Variants in SEMA6D observed in about 807,000 individuals in gnomAD.
SEMA6D encodes the protein semaphorin-6D.
A neutral mutation model predicts 106.6 loss-of-function variants in SEMA6D; 35 were observed. The observed-to-expected ratio is 0.33, with a 90% confidence interval of 0.25 to 0.44. SEMA6D has a LOEUF of 0.44. Ranked by LOEUF, SEMA6D falls within the 20% of genes least tolerant of loss-of-function variation. The probability of loss-of-function intolerance (pLI) is 1.00; values close to 1 mark genes in which losing one functional copy is unlikely to be tolerated. For missense variants in SEMA6D, 1,185 were observed against 1,345.9 expected, an observed-to-expected ratio of 0.88 and a Z score of 1.87; for synonymous variants, 499 against 487.7, an observed-to-expected ratio of 1.02 and a Z score of -0.31.
chr15:47,336,365 T>A (rs1264811117), intron 1 of SEMA6D, among the ~76,000 whole-genome samples: 2 of 152,160 alleles, frequency 1.3e-5, no homozygotes, highest in Non-Finnish European at 2.9e-5. Flanking sequence ...GTCCACATAG[T>A]GCAGAGTAGA....
intron 1 of SEMA6D, among the ~76,000 whole-genome samples, chr15:47,228,477 G>C (rs2031967303): frequency 6.6e-6 from 1 of 151,714 alleles, no homozygotes; most frequent in South Asian, 2.1e-4. Flanking sequence ...GTAAATGTTT[G>C]TTTATCTCTT....
At chr15:47,320,681 G>A (rs959948670) in intron 1 of SEMA6D, among the ~76,000 whole-genome samples, 1 of 152,052 alleles carries the variant, frequency 6.6e-6, no homozygotes, top group Non-Finnish European at 1.5e-5. Flanking sequence ...GGCCTGCAAT[G>A]CCCTTTCTCC....
chr15:47,577,471 A>T, intron 3 of SEMA6D, among the ~76,000 whole-genome samples: 1 of 152,238 alleles, frequency 6.6e-6, no homozygotes, highest in Non-Finnish European at 1.5e-5. Context: ...TTTGCAAGTG[A>T]TGGGAGGCTG....
At chr15:47,430,052 A>C (rs1394159769) in intron 2 of SEMA6D, among the ~76,000 whole-genome samples, 1 of 152,140 alleles carries the variant, frequency 6.6e-6, no homozygotes, top group Admixed American at 6.5e-5. Context: ...CTGATTCAGC[A>C]GTGATTCCCT....
At chr15:47,256,124 TAG>T (rs1470406448) in intron 1 of SEMA6D, among the ~76,000 whole-genome samples, 23 of 152,338 alleles carry the variant, frequency 1.5e-4, no homozygotes, top group Admixed American at 1.5e-3. Flanking sequence ...TAATATTGGG[TAG>T]AGTTATTCTT....
At chr15:47,217,940 AG>A (rs2141320182) in intron 1 of SEMA6D, among the ~76,000 whole-genome samples, 1 of 150,984 alleles carries the variant, frequency 6.6e-6, no homozygotes, top group South Asian at 2.1e-4. Context: ...AATAACCTGA[AG>A]GGCTCCTCTC....
intron 3 of SEMA6D, among the ~76,000 whole-genome samples, chr15:47,543,544 G>C (rs988180570): frequency 4.6e-5 from 7 of 152,138 alleles, no homozygotes; most frequent in Admixed American, 4.6e-4. Flanking sequence ...TAAATTCCCA[G>C]TCTCAGGTAT....
At chr15:47,728,607 C>T (rs2079915756) in intron 1 of SEMA6D, among the ~76,000 whole-genome samples, 1 of 152,182 alleles carries the variant, frequency 6.6e-6, no homozygotes, top group Admixed American at 6.5e-5. Context: ...AACGAATTTC[C>T]ACAAACGCAT....
chr15:47,239,627 G>A (rs1194732010), intron 1 of SEMA6D, among the ~76,000 whole-genome samples: 1 of 152,132 alleles, frequency 6.6e-6, no homozygotes, highest in East Asian at 1.9e-4. Flanking sequence ...GTGTCCACTG[G>A]CTGTCTCCAT....
chr15:47,551,282 T>C (rs540704691), intron 3 of SEMA6D, among the ~76,000 whole-genome samples: 1 of 152,186 alleles, frequency 6.6e-6, no homozygotes, highest in South Asian at 2.1e-4. Context: ...GGCACACTTA[T>C]CTCCTGAGTT....
chr15:47,547,919 T>C (rs115421418), intron 3 of SEMA6D, among the ~76,000 whole-genome samples: 171 of 152,286 alleles, frequency 1.1e-3, no homozygotes, highest in African/African-American at 3.9e-3. Flanking sequence ...ACATTCATCC[T>C]AAGTTTAGTC....
intron 2 of SEMA6D, among the ~76,000 whole-genome samples, chr15:47,414,205 A>G (rs1338368862): frequency 1.3e-5 from 2 of 152,198 alleles, no homozygotes; most frequent in African/African-American, 4.8e-5. Context: ...TTATCTGAAT[A>G]TTACATTCCC....
chr15:47,639,196 T>C (rs2077446285), intron 4 of SEMA6D, among the ~76,000 whole-genome samples: 1 of 152,172 alleles, frequency 6.6e-6, no homozygotes, highest in East Asian at 1.9e-4. Context: ...ATGTACAGCA[T>C]GAGCCTGGTG....
chr15:47,286,048 T>C (rs2035347211), intron 1 of SEMA6D, among the ~76,000 whole-genome samples: 1 of 152,224 alleles, frequency 6.6e-6, no homozygotes, highest in Non-Finnish European at 1.5e-5. Context: ...GTGTTGACTC[T>C]ATGCCTTATT....
In SEMA6D at chr15:47,264,138, A is replaced by G. The variant is rs192417479; in HGVS notation, c.-239+79720A>G. Among the ~76,000 whole-genome samples, 5 of 152,110 alleles carry G rather than the reference A, an allele frequency of 3.3e-5. No individual in the cohort carries two copies. The East Asian group carries it at 9.8e-4, about 30-fold the overall frequency. On this transcript the variant is annotated intron_variant, in intron 1 of 19. Transcript: ENST00000558014. Reference sequence around the variant, plus strand: ...CGTGTTCTCACTTAAAGTGGGAGCTAAATGATGAGGACACATGGACACATA... The same window carrying G: ...CGTGTTCTCACTTAAAGTGGGAGCTGAATGATGAGGACACATGGACACATA...
chr15:47,569,554 C>A lies in SEMA6D; in HGVS notation c.-86-31311C>A, dbSNP rs141761982. 3.8e-3 allele frequency among the ~76,000 whole-genome samples: 575 copies of A among 152,146 alleles called. 4 individuals carry two copies. Among genetic ancestry groups the A allele is most frequent in the African/African-American group, 0.013 (554 of 41,514 alleles). Reference sequence around the variant, plus strand: ...AACCAAGGAGACCACACAGCAATTCCCCTCAGAGGACCTAAAAGCATTCTA... The same window carrying A: ...AACCAAGGAGACCACACAGCAATTCACCTCAGAGGACCTAAAAGCATTCTA... On this transcript the variant is annotated intron_variant, in intron 3 of 19. Transcript: ENST00000558014.
intron 4 of SEMA6D, among the ~76,000 whole-genome samples, chr15:47,666,265 G>C (rs1302063488): frequency 6.6e-6 from 1 of 152,146 alleles, no homozygotes; most frequent in Non-Finnish European, 1.5e-5. Context: ...AAATTAAACT[G>C]CCTTCCTGTT....
intron 3 of SEMA6D, among the ~76,000 whole-genome samples, chr15:47,575,360 G>A (rs2076138510): frequency 6.6e-6 from 1 of 152,180 alleles, no homozygotes; most frequent in African/African-American, 2.4e-5. Flanking sequence ...TGAAGCCACA[G>A]TAAAGCCCAG....
At chr15:47,490,894 G>C (rs2043453253) in intron 3 of SEMA6D, among the ~76,000 whole-genome samples, 1 of 152,112 alleles carries the variant, frequency 6.6e-6, no homozygotes, top group Non-Finnish European at 1.5e-5. Flanking sequence ...ATGCAAATCT[G>C]CAATACAATT....
Sources: allele counts gnomAD v4.1 joint callset (sites outside exome capture counted in the v4.1 genomes callset), GRCh38; gene constraint gnomAD v4.1.1; transcripts MANE v1.5; gene names NCBI Gene and HGNC (gene_info 2026-07-23, HGNC 2026-07-21).